The following CNTNAP4 variants were observed in gnomAD, a reference collection of about 807,000 sequenced individuals.
CNTNAP4 encodes the protein contactin associated protein family member 4.
CNTNAP4 carries 98 observed loss-of-function variants against 148.4 expected under a neutral mutation model. That is an observed-to-expected ratio of 0.66 (90% CI 0.56 to 0.78). The LOEUF is 0.78. CNTNAP4 is among the 30% of genes least tolerant of loss of function. The pLI is 0.00. For synonymous variants in CNTNAP4, 730 were observed against 565.1 expected (o/e 1.29, Z -4.14); for missense variants, 1,935 against 1,565.6 (o/e 1.24, Z -3.98).
intron 17 of CNTNAP4, among the ~76,000 whole-genome samples, chr16:76,526,920 C>A (rs2083758378): frequency 6.6e-6 from 1 of 152,094 alleles, no homozygotes; most frequent in South Asian, 2.1e-4. Flanking sequence ...GGGCTCCACC[C>A]CCCTCAGCCT....
chr16:76,317,224 G>A (rs537558352), intron 2 of CNTNAP4, among the ~76,000 whole-genome samples: 6 of 133,922 alleles, frequency 4.5e-5, no homozygotes, highest in Non-Finnish European at 7.6e-5. Flanking sequence ...CTGAACTAGA[G>A]CCTGGGCGAC....
chr16:76,342,897 C>A (rs1383542784), intron 2 of CNTNAP4, among the ~76,000 whole-genome samples: 1 of 152,122 alleles, frequency 6.6e-6, no homozygotes, highest in Non-Finnish European at 1.5e-5. Flanking sequence ...AATAGATTCT[C>A]CATTTTGCTT....
At chr16:76,383,051 G>C (rs1196874588) in intron 3 of CNTNAP4, among the ~76,000 whole-genome samples, 1 of 151,172 alleles carries the variant, frequency 6.6e-6, no homozygotes, top group Non-Finnish European at 1.5e-5. Context: ...GAAGATGCCA[G>C]AGAATCAACT....
At chr16:76,321,276 A>G (rs566940684) in intron 2 of CNTNAP4, among the ~76,000 whole-genome samples, 3 of 152,348 alleles carry the variant, frequency 2.0e-5, no homozygotes, top group South Asian at 2.1e-4. Context: ...ATGGATCTCT[A>G]TAAGAATAAT....
chr16:76,288,106 G>A (rs572320049), intron 1 of CNTNAP4, among the ~76,000 whole-genome samples: 55 of 152,104 alleles, frequency 3.6e-4, no homozygotes, highest in Non-Finnish European at 5.4e-4. Context: ...CCATGGGGGC[G>A]GTTGTCCCCA....
intron 1 of CNTNAP4, among the ~76,000 whole-genome samples, chr16:76,292,577 A>G (rs1351430906): frequency 6.6e-6 from 1 of 152,154 alleles, no homozygotes; most frequent in Non-Finnish European, 1.5e-5. Context: ...CCATCAGCCT[A>G]GTGTCTTCTC....
At chr16:76,318,317 A>G (rs990924677) in intron 2 of CNTNAP4, among the ~76,000 whole-genome samples, 7 of 152,354 alleles carry the variant, frequency 4.6e-5, no homozygotes, top group South Asian at 2.1e-4. Flanking sequence ...TTGAGGTTCA[A>G]TACATCACAA....
chr16:76,460,486 G>A (rs1353285503), intron 8 of CNTNAP4, among the ~76,000 whole-genome samples: 1 of 150,674 alleles, frequency 6.6e-6, no homozygotes, highest in Non-Finnish European at 1.5e-5. Flanking sequence ...TTAGGGCCAG[G>A]CGCGGTGGCT....
chr16:76,369,853 G>T (rs2014590624), intron 3 of CNTNAP4, among the ~76,000 whole-genome samples: 1 of 152,038 alleles, frequency 6.6e-6, no homozygotes, highest in African/African-American at 2.4e-5. Context: ...AAGAGAGGGA[G>T]GGAGGGAGAG....
chr16:76,498,832 A>G (rs2082510178), intron 15 of CNTNAP4, 138 bp downstream of exon 15: 1 of 814,562 alleles, frequency 1.2e-6, no homozygotes, highest in East Asian at 3.1e-5. Flanking sequence ...TTGTTTCCAC[A>G]TACATGAGGT....
chr16:76,550,006 A>AT (rs2084897160), intron 21 of CNTNAP4, among the ~76,000 whole-genome samples: 1 of 152,202 alleles, frequency 6.6e-6, no homozygotes, highest in Non-Finnish European at 1.5e-5. Context: ...ACACTTAGGG[A>AT]CAATCTGATG....
chr16:76,476,454 G>T (rs1192090757), intron 11 of CNTNAP4, among the ~76,000 whole-genome samples: 1 of 151,946 alleles, frequency 6.6e-6, no homozygotes, highest in African/African-American at 2.4e-5. Flanking sequence ...GGTTGGAGTG[G>T]GTTGGGGTGG....
intron 3 of CNTNAP4, among the ~76,000 whole-genome samples, chr16:76,427,203 C>T (rs548163534): frequency 2.0e-5 from 3 of 152,194 alleles, no homozygotes; most frequent in South Asian, 4.1e-4. Flanking sequence ...TTACAGGTAT[C>T]GTGGTTGAAA....
intron 21 of CNTNAP4, among the ~76,000 whole-genome samples, chr16:76,542,921 C>G (rs2084526483): frequency 6.6e-6 from 1 of 152,028 alleles, no homozygotes. Context: ...GAAATATATT[C>G]AACATATTAT....
intron 15 of CNTNAP4, among the ~76,000 whole-genome samples, chr16:76,516,315 G>A (rs531592409): frequency 1.6e-4 from 24 of 151,236 alleles, no homozygotes; most frequent in East Asian, 3.9e-4. Context: ...GTGTAGATGC[G>A]CCACATTTTC....
intron 3 of CNTNAP4, among the ~76,000 whole-genome samples, chr16:76,381,003 CT>C (rs1281992673): frequency 2.6e-5 from 4 of 152,176 alleles, no homozygotes; most frequent in Non-Finnish European, 5.9e-5. Flanking sequence ...TGTCGCCAGG[CT>C]CTGCACTTTC....
At chr16:76,539,342 T>A (rs2084350644) in intron 19 of CNTNAP4, among the ~76,000 whole-genome samples, 1 of 151,970 alleles carries the variant, frequency 6.6e-6, no homozygotes, top group East Asian at 1.9e-4. Context: ...ATTTCCAGAG[T>A]GTGAGATATA....
chr16:76,540,709 G>A lies in CNTNAP4; in HGVS notation c.3361G>A (p.Asp1121Asn), dbSNP rs778270211. 31 of 1,562,084 alleles carry A rather than the reference G, an allele frequency of 2.0e-5. No homozygotes were observed. Among genetic ancestry groups the A allele is most frequent in the Admixed American group, 1.9e-4 (10 of 53,324 alleles). ...EEGVVFIEID[D>N]NRRRQVHLSS... ...TTGTGTAATAATTTTGTAGATTGAC[G>A]ATAATAGAAGGAGACAAGTTCACCT... The change falls in exon 21 of 24, where the codon GAT (aspartate) becomes AAT (asparagine). Residue 1121 changes from aspartate (D) to asparagine (N), a missense_variant. Transcript: ENST00000611870.
intron 1 of CNTNAP4, among the ~76,000 whole-genome samples, chr16:76,304,536 C>G (rs1960285573): frequency 1.3e-5 from 2 of 152,130 alleles, no homozygotes; most frequent in African/African-American, 4.8e-5. Context: ...AAGAACATTT[C>G]TCAGCTTTGT....
Sources: allele counts gnomAD v4.1 joint callset (sites outside exome capture counted in the v4.1 genomes callset), GRCh38; gene constraint gnomAD v4.1.1; transcripts MANE v1.5; gene names NCBI Gene and HGNC (gene_info 2026-07-23, HGNC 2026-07-21).